The following RORA variants were observed in gnomAD, a reference collection of about 807,000 sequenced individuals.
RORA encodes the protein nuclear receptor ROR-alpha.
Under a neutral mutation model 69.5 loss-of-function variants are expected in RORA, and 7 were observed. The ratio of observed to expected loss-of-function variants is 0.10; its 90% CI spans 0.06 to 0.19. RORA has a LOEUF of 0.19. RORA is among the 10% of genes least tolerant of loss of function. The probability of loss-of-function intolerance (pLI) is 1.00; values close to 1 mark genes in which losing one functional copy is unlikely to be tolerated. For synonymous variants in RORA, 261 were observed against 240.8 expected (o/e 1.08, Z -0.78); for missense variants, 457 against 663.0 (o/e 0.69, Z 3.41).
At chr15:61,090,866 C>T (rs1047161560) in intron 1 of RORA, among the ~76,000 whole-genome samples, 4 of 152,006 alleles carry the variant, frequency 2.6e-5, no homozygotes, top group African/African-American at 9.7e-5. Context: ...AAAACGCCCC[C>T]CAAAATTCAC....
In RORA at chr15:61,169,218, C is replaced by T. The variant is rs550277555; in HGVS notation, c.166+59835G>A. Among the ~76,000 whole-genome samples the T allele has an allele frequency of 3.3e-5, 5 of 152,156 alleles. No individual in the cohort carries two copies. The East Asian group carries it at 9.7e-4, about 29-fold the overall frequency. On this transcript the variant is annotated intron_variant, in intron 1 of 10. Transcript: ENST00000335670. ...GAATGGGGAATCCAGCCTCCCTTCG[C>T]CTTAACCCTTGCCATTCTGGGCCTT...
At chr15:61,074,193 G>A (rs1445271181) in intron 1 of RORA, among the ~76,000 whole-genome samples, 1 of 152,218 alleles carries the variant, frequency 6.6e-6, no homozygotes, top group Non-Finnish European at 1.5e-5. Context: ...GAACGCTTGA[G>A]AGGATAAGCC....
chr15:61,049,275 T>C (rs190166782), intron 1 of RORA, among the ~76,000 whole-genome samples: 109 of 152,206 alleles, frequency 7.2e-4, no homozygotes, highest in Middle Eastern at 3.4e-3. Flanking sequence ...CCCACTTACG[T>C]TGGAGCTCAG....
intron 1 of RORA, among the ~76,000 whole-genome samples, chr15:61,000,094 A>G (rs997807873): frequency 6.6e-6 from 1 of 152,194 alleles, no homozygotes; most frequent in African/African-American, 2.4e-5. Context: ...TTTCACAGTT[A>G]CAATCGTTTA....
chr15:60,726,711 G>T (rs2071361756), intron 1 of RORA, among the ~76,000 whole-genome samples: 1 of 152,124 alleles, frequency 6.6e-6, no homozygotes, highest in South Asian at 2.1e-4. Context: ...GGGTATGCGG[G>T]GAGACTAAAC....
chr15:60,574,466 C>T (rs1397322339), intron 2 of RORA, among the ~76,000 whole-genome samples: 1 of 152,216 alleles, frequency 6.6e-6, no homozygotes, highest in Non-Finnish European at 1.5e-5. Flanking sequence ...GACCACATAA[C>T]TCATATGCTT....
intron 1 of RORA, among the ~76,000 whole-genome samples, chr15:61,207,027 G>A (rs947182260): frequency 3.3e-5 from 5 of 152,052 alleles, no homozygotes; most frequent in East Asian, 1.9e-4. Flanking sequence ...GCTGGCTTTC[G>A]TAGGCCTCAT....
chr15:61,010,296 G>C lies in RORA; in HGVS notation c.166+218757C>G, dbSNP rs73436244. On this transcript the variant is annotated intron_variant, in intron 1 of 10. Coordinates refer to ENST00000335670, the MANE Select transcript of RORA (RefSeq NM_134261.3). Reference sequence around the variant, plus strand: ...CTTGAATCTAATACTATCATACAGAGGTTCTGTTTCAGGTAGAGTCATCTT... The same window carrying C: ...CTTGAATCTAATACTATCATACAGACGTTCTGTTTCAGGTAGAGTCATCTT... 2.9e-3 allele frequency among the ~76,000 whole-genome samples: 434 copies of C among 152,260 alleles called. 5 individuals are homozygous for C. The highest frequency in any genetic ancestry group is 9.8e-3 in the African/African-American group (407 of 41,550).
At chr15:61,078,034 A>G (rs1335660291) in intron 1 of RORA, among the ~76,000 whole-genome samples, 1 of 152,200 alleles carries the variant, frequency 6.6e-6, no homozygotes, top group Non-Finnish European at 1.5e-5. Flanking sequence ...GCACTCTTGT[A>G]CTGGAAAAAG....
chr15:61,167,975 C>G (rs1026868456), intron 1 of RORA, among the ~76,000 whole-genome samples: 1 of 152,120 alleles, frequency 6.6e-6, no homozygotes, highest in African/African-American at 2.4e-5. Flanking sequence ...GTTCACCTAC[C>G]TTTTCAGGCA....
At chr15:60,904,279 T>C (rs1246630558) in intron 1 of RORA, among the ~76,000 whole-genome samples, 1 of 152,186 alleles carries the variant, frequency 6.6e-6, no homozygotes, top group East Asian at 1.9e-4. Context: ...TTCAGATACA[T>C]GGTGTTGGAG....
At chr15:60,617,659 CAGAG>C (rs10594406) in intron 2 of RORA, among the ~76,000 whole-genome samples, 22,671 of 141,412 alleles carry the variant, frequency 0.16, 3,070 homozygotes, top group African/African-American at 0.37. Flanking sequence ...CACATACAGA[CAGAG>C]AGAGAGAGAG....
chr15:60,928,918 T>C (rs1331862686), intron 1 of RORA, among the ~76,000 whole-genome samples: 1 of 152,224 alleles, frequency 6.6e-6, no homozygotes, highest in African/African-American at 2.4e-5. Flanking sequence ...TACCTGAGCT[T>C]CCAAAGGGTT....
intron 2 of RORA, among the ~76,000 whole-genome samples, chr15:60,588,903 C>T (rs776488753): frequency 6.6e-6 from 1 of 152,158 alleles, no homozygotes. Context: ...CAAGAGGCTG[C>T]CCATGAAAAT....
chr15:60,703,161 AC>A (rs1816171102), intron 1 of RORA, among the ~76,000 whole-genome samples: 1 of 150,756 alleles, frequency 6.6e-6, no homozygotes, highest in Non-Finnish European at 1.5e-5. Flanking sequence ...ACACACACAC[AC>A]AATCTCTTTT....
rs555629806 is a variant in RORA, at chr15:60,934,636, TCACAC to T, written c.167-255955_167-255951del. On this transcript the variant is annotated intron_variant, in intron 1 of 10. Transcript: ENST00000335670. ...ATTACAGGTATGAGTCAATGAGTCA[TCACAC>T]TGGCTCAAGAATTTGCATTTCTAAC... 3.2e-4 allele frequency among the ~76,000 whole-genome samples: 48 copies of T among 152,308 alleles called. No homozygotes were observed. In the South Asian group the frequency reaches 8.9e-3, roughly 28 times the overall value.
At chr15:60,803,051 A>C (rs765490305) in intron 1 of RORA, among the ~76,000 whole-genome samples, 6 of 152,234 alleles carry the variant, frequency 3.9e-5, no homozygotes, top group Non-Finnish European at 8.8e-5. Flanking sequence ...AGACAGTCCT[A>C]AACCTAACAG....
At chr15:60,643,121 C>T (rs948342265) in intron 2 of RORA, among the ~76,000 whole-genome samples, 1 of 152,222 alleles carries the variant, frequency 6.6e-6, no homozygotes, top group Non-Finnish European at 1.5e-5. Flanking sequence ...TGCGCCACTG[C>T]ACTCCATCAG....
intron 1 of RORA, among the ~76,000 whole-genome samples, chr15:61,181,584 GT>G (rs1279615333): frequency 1.4e-5 from 2 of 145,926 alleles, no homozygotes; most frequent in African/African-American, 5.1e-5. Flanking sequence ...ATCAGACTTT[GT>G]TGCCACCTTT....
Sources: allele counts gnomAD v4.1 joint callset (sites outside exome capture counted in the v4.1 genomes callset), GRCh38; gene constraint gnomAD v4.1.1; transcripts MANE v1.5; gene names NCBI Gene and HGNC (gene_info 2026-07-23, HGNC 2026-07-21).